FBXO15: variants seen among roughly 807,000 people sequenced by gnomAD.
FBXO15 encodes F-box protein 15, also known as F-box only protein 15.
In FBXO15, 30 loss-of-function variants were observed where a neutral mutation model predicts 49.5. The ratio of observed to expected loss-of-function variants is 0.61; its 90% CI spans 0.45 to 0.82. The LOEUF is 0.82. Among genes scored for constraint, FBXO15 ranks in the 40% least tolerant of loss-of-function variants. FBXO15 has a pLI of 0.00. For synonymous variants in FBXO15, 250 were observed against 232.7 expected, an observed-to-expected ratio of 1.07 and a Z score of -0.68; for missense variants, 591 against 631.5, an observed-to-expected ratio of 0.94 and a Z score of 0.69.
At chr18:74,076,926 C>G (rs963877039) in intron 9 of FBXO15, among the ~76,000 whole-genome samples, 2 of 152,178 alleles carry the variant, frequency 1.3e-5, no homozygotes, top group African/African-American at 4.8e-5. Context: ...GATCCTCTTC[C>G]CATCTTCTCT....
At chr18:74,081,180 G>A (rs1332185897) in intron 9 of FBXO15, among the ~76,000 whole-genome samples, 1 of 152,154 alleles carries the variant, frequency 6.6e-6, no homozygotes, top group African/African-American at 2.4e-5. Context: ...GGTCCCAGTC[G>A]TCATCATTAA....
intron 8 of FBXO15, among the ~76,000 whole-genome samples, chr18:74,093,168 G>T (rs1913122423): frequency 6.8e-6 from 1 of 147,370 alleles, no homozygotes; most frequent in African/African-American, 2.5e-5. Context: ...GTGTGCTCAT[G>T]CCAGCAGCAA....
At chr18:74,101,427 A>G (rs1313729091) in intron 8 of FBXO15, among the ~76,000 whole-genome samples, 2 of 151,678 alleles carry the variant, frequency 1.3e-5, no homozygotes, top group Non-Finnish European at 3.0e-5. Context: ...AAAAGCCTAC[A>G]AGGAAAACTA....
intron 1 of FBXO15, among the ~76,000 whole-genome samples, chr18:74,141,829 C>G (rs993760874): frequency 6.6e-6 from 1 of 152,200 alleles, no homozygotes; most frequent in Non-Finnish European, 1.5e-5. Flanking sequence ...AGCACGCACT[C>G]AAATCACCCA....
intron 8 of FBXO15, among the ~76,000 whole-genome samples, chr18:74,107,426 C>T (rs910741983): frequency 2.6e-5 from 4 of 152,086 alleles, no homozygotes; most frequent in Admixed American, 1.3e-4. Flanking sequence ...TTTTTAAAAA[C>T]GTTGGAAGTC....
At chr18:74,116,844 C>T (rs1400647792) in intron 8 of FBXO15, among the ~76,000 whole-genome samples, 2 of 152,096 alleles carry the variant, frequency 1.3e-5, no homozygotes, top group Non-Finnish European at 2.9e-5. Flanking sequence ...CCAGAAGACC[C>T]AGCCTCATCC....
In FBXO15 at chr18:74,130,692, G is replaced by A. The variant is rs1978344919; in HGVS notation, c.333-34C>T. ...AAAAGAGGAAATATGTTAACTAAGA[G>A]ACACTGTCACCTACCTTAGTCATAA... On this transcript the variant is annotated intron_variant, in intron 3 of 9. Transcript: ENST00000419743. 5 of 1,591,664 alleles carry A rather than the reference G, an allele frequency of 3.1e-6. No homozygotes were observed. In the East Asian group the frequency reaches 6.7e-5, roughly 21 times the overall value.
At chr18:74,078,522 T>G (rs1307718231) in intron 9 of FBXO15, 2 of 152,798 alleles carry the variant, frequency 1.3e-5, no homozygotes, top group Non-Finnish European at 2.9e-5. Context: ...GCTCGCTCCT[T>G]ATTTCCCATC....
At chr18:74,111,286 A>C (rs956957142) in intron 8 of FBXO15, among the ~76,000 whole-genome samples, 1 of 151,784 alleles carries the variant, frequency 6.6e-6, no homozygotes, top group Non-Finnish European at 1.5e-5. Flanking sequence ...AAAGAAAAAA[A>C]AACATAAAAC....
At chr18:74,079,213 C>G (rs908185135) in intron 9 of FBXO15, among the ~76,000 whole-genome samples, 4 of 152,186 alleles carry the variant, frequency 2.6e-5, no homozygotes, top group African/African-American at 9.7e-5. Context: ...GAAAATCCAT[C>G]CATCTGAAAT....
chr18:74,145,295 CAT>C (rs2145236503), intron 1 of FBXO15, among the ~76,000 whole-genome samples: 1 of 152,292 alleles, frequency 6.6e-6, no homozygotes, highest in South Asian at 2.1e-4. Context: ...TTATTACAAA[CAT>C]GTTTTCACAC....
chr18:74,112,950 C>G (rs1914095297), intron 8 of FBXO15, among the ~76,000 whole-genome samples: 1 of 152,220 alleles, frequency 6.6e-6, no homozygotes, highest in African/African-American at 2.4e-5. Flanking sequence ...CAACCACACT[C>G]CTTGGTATTT....
At chr18:74,108,307 G>T (rs1235456676) in intron 8 of FBXO15, among the ~76,000 whole-genome samples, 1 of 151,920 alleles carries the variant, frequency 6.6e-6, no homozygotes, top group East Asian at 1.9e-4. Flanking sequence ...TTTAAAAAAA[G>T]ACAGCATGCA....
rs114793436 is a variant in FBXO15 at position 74,140,450 on chromosome 18, A to G, written c.117-138T>C. The G allele has an allele frequency of 5.7e-4, 427 of 752,394 alleles. 5 individuals are homozygous for G. The African/African-American group carries it at 6.6e-3, about 12-fold the overall frequency. 46.6% of individuals were successfully genotyped at this position (752,394 alleles called of 1,614,324 possible). ...AAACTTAATTTCTGCAAAGAAAAAA[A>G]GGAAGGGAAGAAGAAAAGATGGAAG... On this transcript the variant is annotated intron_variant, in intron 1 of 9. Coordinates refer to ENST00000419743, the MANE Select transcript of FBXO15 (RefSeq NM_001142958.2).
At chr18:74,147,586 G>T in intron 1 of FBXO15, 84 bp downstream of exon 1, 9 of 1,316,436 alleles carry the variant, frequency 6.8e-6, no homozygotes, top group Non-Finnish European at 8.7e-6. Flanking sequence ...CAAGCTGGAC[G>T]AATAAAATAC....
intron 1 of FBXO15, among the ~76,000 whole-genome samples, chr18:74,143,148 A>G (rs1045916301): frequency 6.6e-6 from 1 of 152,188 alleles, no homozygotes; most frequent in African/African-American, 2.4e-5. Context: ...ATAATTCTAT[A>G]TATACTTTAA....
Position 74,129,597 on chromosome 18 carries a change from C to T in FBXO15, c.593G>A (p.Trp198Ter). 1 of 1,608,626 alleles carries T rather than the reference C, an allele frequency of 6.2e-7. No homozygotes were observed. Among genetic ancestry groups the T allele is most frequent in the Non-Finnish European group, 8.5e-7 (1 of 1,178,420 alleles). Residue 198 changes from tryptophan to a stop codon, truncating the protein, a stop_gained, in exon 5 of 10, where the codon TGG (tryptophan) becomes TAG (stop). Transcript: ENST00000419743. LOFTEE classifies it high-confidence loss of function. ...KEALRIFGLG[W>*]AIILKEKGGK... ...ACCTTTTTCTTTCAGTATAATTGCC[C>T]AACCTAAACCAAATATTCTGGAGAA...
intron 8 of FBXO15, among the ~76,000 whole-genome samples, chr18:74,120,822 T>C (rs543258992): frequency 2.1e-4 from 32 of 151,028 alleles, no homozygotes; most frequent in African/African-American, 7.8e-4. Flanking sequence ...GAAATCAACA[T>C]GCAAATCAAT....
chr18:74,096,144 C>T (rs1214565919), intron 8 of FBXO15, among the ~76,000 whole-genome samples: 1 of 152,178 alleles, frequency 6.6e-6, no homozygotes, highest in Non-Finnish European at 1.5e-5. Flanking sequence ...CCTGTCCCTA[C>T]TTTAAGCCAT....
Sources: gnomAD v4.1 joint callset for allele counts (sites outside exome capture counted in the v4.1 genomes callset) on GRCh38, gnomAD v4.1.1 for gene constraint, MANE v1.5 for transcripts, NCBI Gene and HGNC (gene_info 2026-07-23, HGNC 2026-07-21) for gene names.